The following ST3GAL1 variants were observed in gnomAD, a reference collection of about 807,000 sequenced individuals.
The protein encoded by ST3GAL1 is CMP-N-acetylneuraminate-beta-galactosamide-alpha-2,3-sialyltransferase 1.
Under a neutral mutation model 34.1 loss-of-function variants are expected in ST3GAL1, and 16 were observed. The ratio of observed to expected loss-of-function variants is 0.47; its 90% CI spans 0.32 to 0.71. ST3GAL1 has a LOEUF of 0.71. Ranked by LOEUF, ST3GAL1 falls within the 30% of genes least tolerant of loss-of-function variation. The pLI is 0.04. For missense variants in ST3GAL1, 353 were observed against 447.4 expected, an observed-to-expected ratio of 0.79 and a Z score of 1.90; for synonymous variants, 191 against 184.7, an observed-to-expected ratio of 1.03 and a Z score of -0.28.
intron 1 of ST3GAL1, among the ~76,000 whole-genome samples, chr8:133,566,472 C>T (rs1187971910): frequency 1.3e-5 from 2 of 152,132 alleles, no homozygotes; most frequent in Non-Finnish European, 2.9e-5. Context: ...CTGGGACTCC[C>T]GCATGCACAA....
intron 2 of ST3GAL1, among the ~76,000 whole-genome samples, chr8:133,501,099 T>G (rs1817136967): frequency 6.6e-6 from 1 of 152,130 alleles, no homozygotes; most frequent in Non-Finnish European, 1.5e-5. Flanking sequence ...ACAAACAGCC[T>G]CAGACATCGT....
rs1819024585 is a variant in ST3GAL1 at position 133,556,452 on chromosome 8, C to T, written c.-581-10526G>A. Among the ~76,000 whole-genome samples, 1 of 152,188 alleles carries T rather than the reference C, an allele frequency of 6.6e-6. No homozygotes were observed. The highest frequency in any genetic ancestry group is 1.5e-5 in the Non-Finnish European group (1 of 68,038). ...AGGAGTGAGATGCTGGCAGGCTGTA[C>T]AGCTGTCCTCTGGGCCCAGCATATA... On this transcript the variant is annotated intron_variant, in intron 1 of 9. Coordinates refer to ENST00000522652, the MANE Select transcript of ST3GAL1 (RefSeq NM_173344.3). The surrounding 1 kb of genome is among the most constrained non-coding windows in gnomAD (Gnocchi z 8.9).
At chr8:133,481,685 G>A (rs563566300) in intron 3 of ST3GAL1, among the ~76,000 whole-genome samples, 7 of 151,992 alleles carry the variant, frequency 4.6e-5, no homozygotes, top group South Asian at 2.1e-4. Context: ...TAGTAGAGAC[G>A]AGGTTTCTCC....
At chr8:133,476,157 C>T in intron 4 of ST3GAL1, 83 bp from the exon 5 acceptor site, 1 of 1,021,962 alleles carries the variant, frequency 9.8e-7, no homozygotes, top group African/African-American at 1.6e-5. Flanking sequence ...AGGGAGGACA[C>T]AAGGGCCGCT....
chr8:133,493,865 AGAG>A (rs1586615542), intron 3 of ST3GAL1, among the ~76,000 whole-genome samples: 1 of 126,172 alleles, frequency 7.9e-6, no homozygotes, highest in East Asian at 2.0e-4. Flanking sequence ...AAAAAAAAAG[AGAG>A]AGAGAGGCCA....
At chr8:133,506,063 A>T (rs562737154) in intron 2 of ST3GAL1, among the ~76,000 whole-genome samples, 19 of 152,246 alleles carry the variant, frequency 1.2e-4, no homozygotes, top group Non-Finnish European at 2.4e-4. Flanking sequence ...AGTGCTTAAC[A>T]GTCTCATGTG....
intron 2 of ST3GAL1, among the ~76,000 whole-genome samples, chr8:133,518,314 CA>C: frequency 6.6e-6 from 1 of 152,206 alleles, no homozygotes; most frequent in Non-Finnish European, 1.5e-5. Context: ...TGACAGCCTC[CA>C]AAATGCACCA....
intron 2 of ST3GAL1, among the ~76,000 whole-genome samples, chr8:133,538,626 A>C (rs1563732739): frequency 1.3e-5 from 2 of 152,240 alleles, no homozygotes; most frequent in Non-Finnish European, 2.9e-5. Flanking sequence ...CACTGTTAGC[A>C]CTTGGCATTC....
chr8:133,496,771 T>C (rs768194561), intron 3 of ST3GAL1, among the ~76,000 whole-genome samples: 7 of 152,222 alleles, frequency 4.6e-5, no homozygotes, highest in African/African-American at 9.6e-5. Context: ...GGCTCAATCC[T>C]GAACTCAGGT....
chr8:133,511,781 C>T (rs1014207630), intron 2 of ST3GAL1, among the ~76,000 whole-genome samples: 10 of 152,114 alleles, frequency 6.6e-5, no homozygotes, highest in African/African-American at 1.7e-4. Flanking sequence ...AGGCCAGGCA[C>T]GGTGGCTCAT....
At chr8:133,553,776 C>T (rs1372124767) in intron 1 of ST3GAL1, among the ~76,000 whole-genome samples, 1 of 152,162 alleles carries the variant, frequency 6.6e-6, no homozygotes, top group African/African-American at 2.4e-5. Flanking sequence ...GGTCCACAGG[C>T]AACCTGTGCC....
rs533052345 is a variant in ST3GAL1 at position 133,512,586 on chromosome 8, C to T, written c.-428-13397G>A. ...TTAAGCATCACACATACCATCATCT[C>T]GGAGGCCATTGAAAGGTGAAGGGCC... On this transcript the variant is annotated intron_variant, in intron 2 of 9. Transcript: ENST00000522652. 3.3e-5 allele frequency among the ~76,000 whole-genome samples: 5 copies of T among 152,218 alleles called. No homozygotes were observed. The East Asian group carries it at 5.8e-4, about 18-fold the overall frequency.
At chr8:133,516,602 G>A (rs1257790357) in intron 2 of ST3GAL1, among the ~76,000 whole-genome samples, 1 of 152,170 alleles carries the variant, frequency 6.6e-6, no homozygotes, top group African/African-American at 2.4e-5. Context: ...GCCAAAACCA[G>A]TTTACATTTC....
At chr8:133,484,543 C>T (rs771525794) in intron 3 of ST3GAL1, among the ~76,000 whole-genome samples, 6 of 152,170 alleles carry the variant, frequency 3.9e-5, no homozygotes, top group Non-Finnish European at 7.3e-5. Context: ...ACTCTGTGCT[C>T]GGCATGGGTC....
Position 133,502,485 on chromosome 8 carries a change from T to C in ST3GAL1, c.-428-3296A>G, listed in dbSNP as rs377600652. ...TCACCATATGCACATAAGAAAGCCA[T>C]GTGAGGACAAATTAGAAGGCTGCCA... On this transcript the variant is annotated intron_variant, in intron 2 of 9. Coordinates refer to ENST00000522652, the MANE Select transcript of ST3GAL1 (RefSeq NM_173344.3). 2.5e-4 allele frequency among the ~76,000 whole-genome samples: 38 copies of C among 150,296 alleles called. No individual in the cohort carries two copies. The South Asian group carries it at 7.8e-3, about 31-fold the overall frequency.
At chr8:133,520,365 A>G (rs2131025961) in intron 2 of ST3GAL1, among the ~76,000 whole-genome samples, 1 of 152,306 alleles carries the variant, frequency 6.6e-6, no homozygotes, top group South Asian at 2.1e-4. Flanking sequence ...TTCTGGCACC[A>G]CAGAAGTTTC....
intron 1 of ST3GAL1, among the ~76,000 whole-genome samples, chr8:133,548,178 G>C (rs1287961699): frequency 6.6e-6 from 1 of 152,176 alleles, no homozygotes; most frequent in Non-Finnish European, 1.5e-5. Flanking sequence ...AAGGCACGAT[G>C]CTCACTGCCA....
intron 1 of ST3GAL1, among the ~76,000 whole-genome samples, chr8:133,567,641 T>G (rs903099578): frequency 1.3e-5 from 2 of 152,212 alleles, no homozygotes; most frequent in Non-Finnish European, 2.9e-5. Flanking sequence ...CTGAAACTTC[T>G]GGGACTGCTT....
At position 133,461,401 on chromosome 8, in the gene ST3GAL1, T is replaced by C. The variant is rs1174187789; in HGVS notation, c.849+474A>G. ...AGGACATGGGAAGGCAAATGCATGC[T>C]TCTCGAGATCACGGGTTCTCAACCT... On this transcript the variant is annotated intron_variant, in intron 9 of 9. Transcript: ENST00000522652. This position sits in a 1 kb window ranked among gnomAD's most constrained non-coding sequence, Gnocchi z 4.7. Among the ~76,000 whole-genome samples the C allele has an allele frequency of 6.6e-6, 1 of 152,146 alleles. No homozygotes were observed. Among genetic ancestry groups the C allele is most frequent in the Non-Finnish European group, 1.5e-5 (1 of 68,028 alleles).
Sources: gnomAD v4.1 joint callset for allele counts (sites outside exome capture counted in the v4.1 genomes callset) on GRCh38, gnomAD v4.1.1 for gene constraint, Gnocchi (gnomAD v3.1) non-coding constraint, MANE v1.5 for transcripts, NCBI Gene and HGNC (gene_info 2026-07-23, HGNC 2026-07-21) for gene names.